The following CLPTM1L variants were observed in gnomAD, a reference collection of about 807,000 sequenced individuals.
CLPTM1L encodes lipid scramblase CLPTM1L.
In CLPTM1L, 38 loss-of-function variants were observed where a neutral mutation model predicts 70.9. The observed-to-expected ratio is 0.54, with a 90% confidence interval of 0.41 to 0.70. CLPTM1L has a LOEUF of 0.70. Ranked by LOEUF, CLPTM1L falls within the 30% of genes least tolerant of loss-of-function variation. CLPTM1L has a pLI of 0.00. For synonymous variants in CLPTM1L, 339 were observed against 299.9 expected (o/e 1.13, Z -1.35); for missense variants, 652 against 705.9 (o/e 0.92, Z 0.87).
intron 7 of CLPTM1L, among the ~76,000 whole-genome samples, chr5:1,332,713 G>C (rs914848833): frequency 6.6e-6 from 1 of 152,224 alleles, no homozygotes; most frequent in South Asian, 2.1e-4. Context: ...CCACACCCAC[G>C]TAACTTTATC....
At chr5:1,337,091 A>G (rs1302879601) in intron 5 of CLPTM1L, among the ~76,000 whole-genome samples, 5 of 152,170 alleles carry the variant, frequency 3.3e-5, no homozygotes, top group African/African-American at 1.2e-4. Flanking sequence ...AGTGACAGTG[A>G]TGGCTTGCAG....
At chr5:1,344,123 C>G (rs1265070830) in intron 2 of CLPTM1L, among the ~76,000 whole-genome samples, 1 of 152,262 alleles carries the variant, frequency 6.6e-6, no homozygotes, top group Admixed American at 6.5e-5. Flanking sequence ...ACTGCCATCA[C>G]ACTCTGCTGA....
At chr5:1,319,071 C>T (rs565010691) in intron 16 of CLPTM1L, among the ~76,000 whole-genome samples, 22 of 152,318 alleles carry the variant, frequency 1.4e-4, no homozygotes, top group African/African-American at 5.1e-4. Context: ...AGCCTGAGTA[C>T]AGCACAGTTT....
At chr5:1,343,052 G>A (rs529614980) in intron 2 of CLPTM1L, among the ~76,000 whole-genome samples, 6 of 152,318 alleles carry the variant, frequency 3.9e-5, no homozygotes, top group East Asian at 3.9e-4. Flanking sequence ...TTAGCCAGGC[G>A]TGGTGGCGGG....
intron 15 of CLPTM1L, 69 bp from the exon 16 acceptor site, chr5:1,320,800 C>A: frequency 1.2e-6 from 1 of 845,708 alleles, no homozygotes; most frequent in South Asian, 1.7e-5. Context: ...TTTTGGTAAC[C>A]TAACCAAGCC....
At chr5:1,326,625 C>T (rs1752574265) in intron 9 of CLPTM1L, among the ~76,000 whole-genome samples, 1 of 151,844 alleles carries the variant, frequency 6.6e-6, no homozygotes, top group Non-Finnish European at 1.5e-5. Flanking sequence ...CACATTTCAT[C>T]CAGCTCCTCC....
intron 7 of CLPTM1L, 109 bp downstream of exon 7, chr5:1,334,180 A>G: frequency 1.4e-6 from 1 of 717,216 alleles, no homozygotes; most frequent in Non-Finnish European, 2.4e-6. Flanking sequence ...CTTGAGGGCC[A>G]CAGGGCTGGA....
At chr5:1,325,679 A>G in intron 10 of CLPTM1L, 72 bp downstream of exon 10, 1 of 1,303,652 alleles carries the variant, frequency 7.7e-7, no homozygotes, top group Non-Finnish European at 1.1e-6. Flanking sequence ...TGGCCATCTT[A>G]CTCTTTGCAC....
intron 9 of CLPTM1L, 196 bp from the exon 10 acceptor site, chr5:1,326,012 T>C (rs551685004): frequency 1.7e-6 from 1 of 573,410 alleles, no homozygotes. Context: ...ACGGCAGGCG[T>C]ACCTGGTCAG....
rs757726171 is a variant in CLPTM1L at position 1,341,831 on chromosome 5, G to C, written c.293C>G (p.Thr98Arg). 3.7e-6 allele frequency: 6 copies of C among 1,613,612 alleles called. No homozygotes were observed. The South Asian group carries it at 6.6e-5, about 18-fold the overall frequency. ...GGCATACAGCGTCCCATTGTTTCTC[G>C]TTTTCTTTGGTACAGAAACATTAAC... ...RTVNVSVPKK[T>R]RNNGTLYAYI... Residue 98 changes from threonine (T) to arginine (R), a missense_variant, in exon 3 of 17, where the codon ACG becomes AGG. Physicochemically the swap from Thr to Arg is moderately conservative, Grantham distance 71. Coordinates refer to ENST00000320895, the MANE Select transcript of CLPTM1L (RefSeq NM_030782.5).
chr5:1,332,040 C>T (rs781748306), intron 7 of CLPTM1L, 157 bp from the exon 8 acceptor site: 45 of 644,284 alleles, frequency 7.0e-5, no homozygotes, highest in Non-Finnish European at 1.1e-4. Context: ...CATGCCTCTA[C>T]GCGCCTGGCC....
At chr5:1,340,060 G>A (rs931311951) in intron 3 of CLPTM1L, among the ~76,000 whole-genome samples, 4 of 152,326 alleles carry the variant, frequency 2.6e-5, no homozygotes, top group South Asian at 4.1e-4. Context: ...TGCCAATTCC[G>A]CCAGACTCTC....
At chr5:1,331,556 G>A (rs949044279) in intron 8 of CLPTM1L, 5 of 577,962 alleles carry the variant, frequency 8.7e-6, no homozygotes, top group African/African-American at 7.5e-5. Context: ...AGAGTCCGCA[G>A]CCAGGCCCTG....
intron 10 of CLPTM1L, chr5:1,325,413 G>A (rs1752460779): frequency 1.0e-5 from 4 of 384,236 alleles, no homozygotes; most frequent in South Asian, 8.7e-5. Context: ...AGGACTGTAC[G>A]GACCCCAGTC....
chr5:1,335,210 A>G (rs1190400073), intron 5 of CLPTM1L, 36 bp from the exon 6 acceptor site: 1 of 1,555,702 alleles, frequency 6.4e-7, no homozygotes, highest in African/African-American at 1.4e-5. Context: ...CCCTGCCCTC[A>G]TACCCTTGCA....
intron 3 of CLPTM1L, among the ~76,000 whole-genome samples, chr5:1,340,594 G>A (rs990969130): frequency 5.9e-5 from 9 of 152,192 alleles, no homozygotes; most frequent in Admixed American, 2.6e-4. Context: ...GAGGAGGGAT[G>A]GGGGCCCCAG....
chr5:1,320,545 C>A, intron 16 of CLPTM1L, 71 bp downstream of exon 16: 1 of 795,844 alleles, frequency 1.3e-6, no homozygotes, highest in Non-Finnish European at 1.9e-6. Context: ...GCGGTGAAAG[C>A]CGTCATTCCG....
At chr5:1,323,023 C>G in intron 12 of CLPTM1L, 112 bp from the exon 13 acceptor site, 1 of 1,052,094 alleles carries the variant, frequency 9.5e-7, no homozygotes, top group South Asian at 1.3e-5. Flanking sequence ...CCCAGATGCT[C>G]TCACGGCAGC....
chr5:1,325,418 CCA>C (rs1202138423), intron 10 of CLPTM1L: 5 of 393,008 alleles, frequency 1.3e-5, no homozygotes, highest in African/African-American at 6.0e-5. Flanking sequence ...TGTACGGACC[CCA>C]GTCAGCACCA....
Sources: gnomAD v4.1 joint callset for allele counts (sites outside exome capture counted in the v4.1 genomes callset) on GRCh38, gnomAD v4.1.1 for gene constraint, MANE v1.5 for transcripts, NCBI Gene and HGNC (gene_info 2026-07-23, HGNC 2026-07-21) for gene names.